The following SLC4A7 variants were observed in gnomAD, a reference collection of about 807,000 sequenced individuals.
SLC4A7 encodes sodium bicarbonate cotransporter 3.
In SLC4A7, 51 loss-of-function variants were observed where a neutral mutation model predicts 137.6. That is an observed-to-expected ratio of 0.37 (90% confidence interval 0.30 to 0.47). The LOEUF (loss-of-function observed/expected upper bound fraction) is 0.47, where lower values mean the gene tolerates loss of function less well. SLC4A7 is among the 20% of genes least tolerant of loss of function. The probability of loss-of-function intolerance (pLI) is 1.00; values close to 1 mark genes in which losing one functional copy is unlikely to be tolerated. For synonymous variants in SLC4A7, 542 were observed against 518.6 expected, an observed-to-expected ratio of 1.05 and a Z score of -0.61; for missense variants, 1,247 against 1,525.4, an observed-to-expected ratio of 0.82 and a Z score of 3.04.
Position 27,376,778 on chromosome 3 carries a change from C to G in SLC4A7, c.3766G>C (p.Glu1256Gln). 1 of 1,594,108 alleles carries G rather than the reference C, an allele frequency of 6.3e-7. No homozygotes were observed. Among genetic ancestry groups the G allele is most frequent in the Non-Finnish European group, 8.6e-7 (1 of 1,166,606 alleles). Residue 1256 changes from glutamate (E) to glutamine (Q), a missense_variant, in exon 26 of 26, where the codon GAA becomes CAA. Glu to Gln is a conservative substitution (Grantham distance 29, BLOSUM62 2). Around this residue, in one of 6 missense-constraint regions of SLC4A7, gnomAD observed 290 missense variants for 323.8 expected, o/e 0.90. Coordinates refer to ENST00000454389, the MANE Select transcript of SLC4A7 (RefSeq NM_001321103.2). The stretch of plus-strand genomic sequence containing the variant: ...TTGGTTCAATTCTATAATGAAGTTT[C>G]AGCATCCACGTATTTCTTTCTTGGT... ...DEPRKKYVDA[E>Q]TSL
intron 12 of SLC4A7, among the ~76,000 whole-genome samples, chr3:27,410,976 T>C (rs2053847449): frequency 6.6e-6 from 1 of 152,138 alleles, no homozygotes; most frequent in Non-Finnish European, 1.5e-5. Context: ...ATTTAATATT[T>C]AAGATTATTT....
At chr3:27,439,158 A>C (rs568041225) in intron 3 of SLC4A7, among the ~76,000 whole-genome samples, 7 of 152,244 alleles carry the variant, frequency 4.6e-5, no homozygotes, top group Non-Finnish European at 7.3e-5. Context: ...AACAGGATAA[A>C]GAGTAGATTC....
At chr3:27,393,008 A>G (rs1356016992) in intron 20 of SLC4A7, among the ~76,000 whole-genome samples, 1 of 152,124 alleles carries the variant, frequency 6.6e-6, no homozygotes, top group African/African-American at 2.4e-5. Context: ...GGGAGGAGGG[A>G]TAAGAATATT....
At chr3:27,397,375 G>T (rs917579516) in intron 18 of SLC4A7, among the ~76,000 whole-genome samples, 1 of 151,384 alleles carries the variant, frequency 6.6e-6, no homozygotes, top group Middle Eastern at 3.2e-3. Context: ...GGTACAGCAA[G>T]AACTCCAGGT....
At chr3:27,458,136 C>G (rs2058507097) in intron 1 of SLC4A7, among the ~76,000 whole-genome samples, 1 of 152,086 alleles carries the variant, frequency 6.6e-6, no homozygotes, top group African/African-American at 2.4e-5. Context: ...CTTATTTTGT[C>G]ATTCAGAATA....
Position 27,413,917 on chromosome 3 carries a change from A to G in SLC4A7, c.1660-2169T>C, listed in dbSNP as rs186082669. Among the ~76,000 whole-genome samples, 3 of 147,830 alleles carry G rather than the reference A, an allele frequency of 2.0e-5. No individual in the cohort carries two copies. The Admixed American group carries it at 2.1e-4, about 10-fold the overall frequency. On this transcript the variant is annotated intron_variant, in intron 11 of 25. Transcript: ENST00000454389. ...GATTTAGAAAAGGAGGAATAATACT[A>G]TCTCTTACTTACAGATTATTTGACT... is the stretch of plus-strand genomic sequence containing the variant.
chr3:27,390,665 T>C (rs1230422915), intron 21 of SLC4A7, among the ~76,000 whole-genome samples: 1 of 152,206 alleles, frequency 6.6e-6, no homozygotes, highest in African/African-American at 2.4e-5. Flanking sequence ...GGAAATAATT[T>C]CTTGACCAGT....
Position 27,379,246 on chromosome 3 carries a change from T to C in SLC4A7, c.3698+3A>G, listed in dbSNP as rs1001464551. 9 of 1,475,488 alleles carry C rather than the reference T, an allele frequency of 6.1e-6. No homozygotes were observed. In the African/African-American group the frequency reaches 1.3e-4, roughly 21 times the overall value. The allele number at this position is 1,475,488 out of a possible 1,614,324, so 91.4% of individuals were successfully genotyped here. A position where few individuals can be genotyped will look rare whatever the true frequency, so the allele number is the denominator to read the frequency against. On this transcript the variant is annotated splice_donor_region_variant and intron_variant, in intron 25 of 25. Coordinates refer to ENST00000454389, the MANE Select transcript of SLC4A7 (RefSeq NM_001321103.2). ...TAGAAAACACACAAATAGTTATAAC[T>C]ACCTCATGTTAGATCTGGTTACTTT...
At chr3:27,391,969 T>G in intron 20 of SLC4A7, 161 bp from the exon 21 acceptor site, 1 of 456,970 alleles carries the variant, frequency 2.2e-6, no homozygotes, top group Non-Finnish European at 4.0e-6. Context: ...TACAATAACC[T>G]GCTTGAAAAA....
intron 20 of SLC4A7, 63 bp downstream of exon 20, chr3:27,394,455 T>C (rs554692193): frequency 1.4e-4 from 188 of 1,391,570 alleles, no homozygotes; most frequent in Non-Finnish European, 1.8e-4. Context: ...ATGTTTCATG[T>C]TCACATAACT....
chr3:27,414,524 T>C (rs572053095), intron 11 of SLC4A7, among the ~76,000 whole-genome samples: 1 of 152,306 alleles, frequency 6.6e-6, no homozygotes, highest in African/African-American at 2.4e-5. Context: ...AAATACATCA[T>C]AATTTCTATT....
chr3:27,390,108 C>T lies in SLC4A7; in HGVS notation c.3187-4G>A, dbSNP rs775571793. ...ATAATTTTATACGGTCAAATAACTA[C>T]ATATAGAATAAAAAACAAAGAAGTT... is the stretch of plus-strand genomic sequence containing the variant. On this transcript the variant is annotated splice_region_variant and splice_polypyrimidine_tract_variant and intron_variant, in intron 21 of 25. Coordinates refer to ENST00000454389, the MANE Select transcript of SLC4A7 (RefSeq NM_001321103.2). 1.3e-6 allele frequency: 2 copies of T among 1,544,700 alleles called. No individual in the cohort carries two copies. Among genetic ancestry groups the T allele is most frequent in the Non-Finnish European group, 8.8e-7 (1 of 1,131,604 alleles).
At chr3:27,379,857 T>A (rs915769931) in intron 24 of SLC4A7, among the ~76,000 whole-genome samples, 1 of 152,228 alleles carries the variant, frequency 6.6e-6, no homozygotes, top group Non-Finnish European at 1.5e-5. Flanking sequence ...CAAATCATTA[T>A]AAAGAATGCT....
chr3:27,476,029 C>T, intron 1 of SLC4A7, among the ~76,000 whole-genome samples: 1 of 152,270 alleles, frequency 6.6e-6, no homozygotes, highest in Middle Eastern at 3.4e-3. Context: ...CAAACCAATA[C>T]ATATAACGGC....
chr3:27,468,068 T>A (rs2059083722), intron 1 of SLC4A7, among the ~76,000 whole-genome samples: 1 of 152,130 alleles, frequency 6.6e-6, no homozygotes, highest in African/African-American at 2.4e-5. Context: ...GGATTACAGG[T>A]ACACATCACC....
chr3:27,405,023 C>T (rs965151749), intron 13 of SLC4A7, 60 bp from the exon 14 acceptor site: 2 of 1,207,208 alleles, frequency 1.7e-6, no homozygotes, highest in Non-Finnish European at 2.3e-6. Context: ...CTCTAACGTA[C>T]TATAATACAT....
At chr3:27,418,872 T>C (rs1050213140) in intron 10 of SLC4A7, among the ~76,000 whole-genome samples, 1 of 152,122 alleles carries the variant, frequency 6.6e-6, no homozygotes, top group African/African-American at 2.4e-5. Flanking sequence ...GACAGAACAA[T>C]TTTTTAAAAA....
At chr3:27,450,704 AAGATTGGT>A (rs1274493362) in intron 2 of SLC4A7, among the ~76,000 whole-genome samples, 4 of 152,080 alleles carry the variant, frequency 2.6e-5, no homozygotes, top group Non-Finnish European at 5.9e-5. Context: ...CTAGAATCCA[AAGATTGGT>A]AGATTAAGCT....
rs2054626445 is a variant in SLC4A7, at chr3:27,418,650, T to C, written c.1513-18A>G. The C allele has an allele frequency of 1.3e-6, 2 of 1,512,928 alleles. No individual in the cohort carries two copies. The highest frequency in any genetic ancestry group is 3.8e-5 in the Admixed American group (2 of 53,288). 93.7% of individuals were successfully genotyped at this position (1,512,928 alleles called of 1,614,324 possible). A position where few individuals can be genotyped will look rare whatever the true frequency, so the allele number is the denominator to read the frequency against. On this transcript the variant is annotated intron_variant, in intron 10 of 25. Transcript: ENST00000454389. ...TGGAAAATCTAAGTGAAAAAAATAT[T>C]GAGTAAAAGATTTTAAAGTTGAAAA...
Sources: allele counts gnomAD v4.1 joint callset (sites outside exome capture counted in the v4.1 genomes callset), GRCh38; gene constraint gnomAD v4.1.1; regional missense constraint gnomAD v4.1.1; transcripts MANE v1.5; gene names NCBI Gene and HGNC (gene_info 2026-07-23, HGNC 2026-07-21).